CGRRF1: variants seen among roughly 807,000 people sequenced by gnomAD.
CGRRF1 encodes cell growth regulator with RING finger domain protein 1.
A neutral mutation model predicts 37.2 loss-of-function variants in CGRRF1; 32 were observed. The ratio of observed to expected loss-of-function variants is 0.86; its 90% CI spans 0.65 to 1.16. CGRRF1 has a LOEUF of 1.16. Ranked by LOEUF, CGRRF1 falls within the 50% of genes most tolerant of loss-of-function variation. The pLI is 0.00. For missense variants in CGRRF1, 391 were observed against 382.6 expected (o/e 1.02, Z -0.18); for synonymous variants, 141 against 140.3 (o/e 1.00, Z -0.04).
At chr14:54,532,651 C>T (rs1215130734) in intron 4 of CGRRF1, among the ~76,000 whole-genome samples, 1 of 150,776 alleles carries the variant, frequency 6.6e-6, no homozygotes, top group African/African-American at 2.4e-5. Context: ...ATTTCCAGAA[C>T]CTAGTACAGT....
intron 2 of CGRRF1, among the ~76,000 whole-genome samples, chr14:54,528,931 AGCATCT>A (rs2032461298): frequency 6.6e-6 from 1 of 152,188 alleles, no homozygotes; most frequent in Admixed American, 6.5e-5. Flanking sequence ...TATCCTGTGG[AGCATCT>A]GCTTGTATTT....
rs2032627876 is a variant in CGRRF1 at position 54,538,077 on chromosome 14, T to C, written c.693T>C (p.Ser231=). Residue 231 remains serine (S), a synonymous_variant, in exon 6 of 6, where the codon TCT becomes TCC. Transcript: ENST00000216420. ...QFHDLKQLFM[S]ANNNFTPSNN... Reference sequence around the variant, plus strand: ...TTGATTTTCAGCAACTTTTCATGTCTGCAAATAATAATTTCACTCCCTCCA... The same window carrying C: ...TTGATTTTCAGCAACTTTTCATGTCCGCAAATAATAATTTCACTCCCTCCA... 1.2e-6 allele frequency: 2 copies of C among 1,603,978 alleles called. No individual in the cohort carries two copies. The highest frequency in any genetic ancestry group is 2.3e-5 in the South Asian group (2 of 88,560).
chr14:54,530,724 A>T, intron 3 of CGRRF1, 179 bp from the exon 4 acceptor site: 2 of 865,090 alleles, frequency 2.3e-6, no homozygotes, highest in Non-Finnish European at 3.6e-6. Context: ...GCATTAGAAG[A>T]TGCTCTGTGG....
chr14:54,537,679 A>G (rs1172397376), intron 4 of CGRRF1, 43 bp from the exon 5 acceptor site: 17 of 1,427,434 alleles, frequency 1.2e-5, no homozygotes, highest in Non-Finnish European at 1.6e-5. Context: ...GTGAAATAAT[A>G]TAAAGATTTT....
At chr14:54,535,532 C>G (rs1566513694) in intron 4 of CGRRF1, among the ~76,000 whole-genome samples, 2 of 152,098 alleles carry the variant, frequency 1.3e-5, no homozygotes, top group South Asian at 2.1e-4. Context: ...ATGCAATGTT[C>G]TTTTCTCTAA....
intron 1 of CGRRF1, chr14:54,510,292 G>A: frequency 3.5e-6 from 2 of 563,712 alleles, no homozygotes; most frequent in South Asian, 2.1e-5. Flanking sequence ...GGCATCTTGG[G>A]GTGGTACCGC....
In CGRRF1 at chr14:54,534,230, T is replaced by G. The variant is rs571935960; in HGVS notation, c.570+3180T>G. Among the ~76,000 whole-genome samples, 189 of 152,252 alleles carry G rather than the reference T, an allele frequency of 1.2e-3. 1 individual carries two copies. Among genetic ancestry groups the G allele is most frequent in the African/African-American group, 4.5e-3 (187 of 41,548 alleles). On this transcript the variant is annotated intron_variant, in intron 4 of 5. Transcript: ENST00000216420. The stretch of plus-strand genomic sequence containing the variant: ...GCCTCTGCTTCCTGGGTTCAAGCAA[T>G]TCTCCTGCCTCAGCCTCCCGAGTAG...
chr14:54,530,626 A>T (rs1386651966), intron 3 of CGRRF1: 2 of 855,668 alleles, frequency 2.3e-6, no homozygotes, highest in African/African-American at 1.7e-5. Flanking sequence ...TGAAAATTAG[A>T]CTTCTTACGG....
At chr14:54,535,393 A>ACACACACACACACAC in intron 4 of CGRRF1, among the ~76,000 whole-genome samples, 1 of 150,954 alleles carries the variant, frequency 6.6e-6, no homozygotes, top group African/African-American at 2.4e-5. Flanking sequence ...ACACACACAC[A>ACACACACACACACAC]CTTTTTGTAA....
At chr14:54,527,858 A>G (rs1346540055) in intron 2 of CGRRF1, among the ~76,000 whole-genome samples, 1 of 151,604 alleles carries the variant, frequency 6.6e-6, no homozygotes, top group Non-Finnish European at 1.5e-5. Context: ...CTCCTACCTC[A>G]GCCTTCCAAG....
At chr14:54,522,267 G>C (rs1461517805) in intron 1 of CGRRF1, among the ~76,000 whole-genome samples, 187 bp from the exon 2 acceptor site, 5 of 151,988 alleles carry the variant, frequency 3.3e-5, no homozygotes, top group African/African-American at 1.2e-4. Flanking sequence ...ATGTGCACTT[G>C]GTTCATACAG....
chr14:54,531,704 A>G (rs1188885793), intron 4 of CGRRF1, among the ~76,000 whole-genome samples: 1 of 152,062 alleles, frequency 6.6e-6, no homozygotes, highest in Non-Finnish European at 1.5e-5. Context: ...TCCTTTCCTC[A>G]TTATGTGCTA....
rs756368495 is a variant in CGRRF1, at chr14:54,530,115, T to C, written c.311T>C (p.Val104Ala). The change falls in exon 3 of 6, where the codon GTT becomes GCT. Residue 104 changes from valine to alanine, a missense_variant. Coordinates refer to ENST00000216420, the MANE Select transcript of CGRRF1 (RefSeq NM_006568.3). ...CTTACATGCTACTGGGGGTGCAGTG[T>C]TCAAAAATTATATGAAGCTCTGCAG... ...SLLTCYWGCSVQKLYEALQKH... is the reference protein window; with the variant it reads ...SLLTCYWGCSAQKLYEALQKH... 6.2e-7 allele frequency: 1 copy of C among 1,613,686 alleles called. No individual in the cohort carries two copies. Among genetic ancestry groups the C allele is most frequent in the Non-Finnish European group, 8.5e-7 (1 of 1,179,652 alleles).
intron 1 of CGRRF1, among the ~76,000 whole-genome samples, chr14:54,517,363 C>T (rs2032234390): frequency 6.6e-6 from 1 of 152,168 alleles, no homozygotes; most frequent in Admixed American, 6.5e-5. Flanking sequence ...CTTTGTTAGG[C>T]AGGACCAGAG....
Position 54,538,128 on chromosome 14 carries a change from CACAG to C in CGRRF1, c.750_753del (p.Asp250GlufsTer32), listed in dbSNP as rs1413255972. On this transcript the variant is annotated frameshift_variant, in exon 6 of 6. Transcript: ENST00000216420. LOFTEE classifies it high-confidence loss of function. ...ACAATTCCTCTTCAGAAGAAAAAAA[CACAG>C]ACAGAAGTTTGTTGGAAAAGGTGGG... is the stretch of plus-strand genomic sequence containing the variant. The C allele has an allele frequency of 1.7e-5, 27 of 1,613,774 alleles. No homozygotes were observed. Among genetic ancestry groups the C allele is most frequent in the African/African-American group, 4.0e-5 (3 of 74,852 alleles).
In CGRRF1 at chr14:54,510,045, C is replaced by G. The variant is rs2032103272; in HGVS notation, c.86C>G (p.Thr29Ser). ...GTCTTTACCTGCTTCATCGTGACCACCGGCCTGGTATTGGGATGGTAAGTG... is the reference window on the plus strand; with the variant it reads ...GTCTTTACCTGCTTCATCGTGACCAGCGGCCTGGTATTGGGATGGTAAGTG... ...AVVFTCFIVT[T>S]GLVLGWFGWD... Residue 29 changes from threonine to serine, a missense_variant, in exon 1 of 6, where the codon ACC becomes AGC. Coordinates refer to ENST00000216420, the MANE Select transcript of CGRRF1 (RefSeq NM_006568.3). The G allele has an allele frequency of 6.2e-6, 10 of 1,612,364 alleles. No individual in the cohort carries two copies. The highest frequency in any genetic ancestry group is 8.5e-6 in the Non-Finnish European group (10 of 1,178,442).
intron 1 of CGRRF1, among the ~76,000 whole-genome samples, chr14:54,518,985 C>G (rs957073790): frequency 6.6e-6 from 1 of 152,140 alleles, no homozygotes; most frequent in Non-Finnish European, 1.5e-5. Context: ...TCTTGTTGCC[C>G]AGGCTGGAGT....
chr14:54,537,852 A>C, intron 5 of CGRRF1, 23 bp downstream of exon 5: 1 of 1,579,136 alleles, frequency 6.3e-7, no homozygotes, highest in South Asian at 1.2e-5. Flanking sequence ...CTGTAGTCTT[A>C]TCTCTGTCTC....
At chr14:54,521,737 C>T (rs1373048590) in intron 1 of CGRRF1, among the ~76,000 whole-genome samples, 2 of 152,034 alleles carry the variant, frequency 1.3e-5, no homozygotes, top group Non-Finnish European at 2.9e-5. Flanking sequence ...GAACTCCTGA[C>T]CTCAAGTGAT....
Sources: gnomAD v4.1 joint callset for allele counts (sites outside exome capture counted in the v4.1 genomes callset) on GRCh38, gnomAD v4.1.1 for gene constraint, MANE v1.5 for transcripts, NCBI Gene and HGNC (gene_info 2026-07-23, HGNC 2026-07-21) for gene names.